The following CRYZL1 variants were observed in gnomAD, a reference collection of about 807,000 sequenced individuals.
The protein encoded by CRYZL1 is ferry endosomal RAB5 effector complex subunit 4.
A neutral mutation model predicts 50.6 loss-of-function variants in CRYZL1; 34 were observed. The observed-to-expected ratio is 0.67, with a 90% confidence interval of 0.51 to 0.89. CRYZL1 has a LOEUF of 0.89. CRYZL1 is among the 40% of genes least tolerant of loss of function. CRYZL1 has a pLI of 0.00. For synonymous variants in CRYZL1, 125 were observed against 134.3 expected (o/e 0.93, Z 0.48); for missense variants, 354 against 402.3 (o/e 0.88, Z 1.03).
chr21:33,620,975 G>A (rs1384798430), intron 4 of CRYZL1, among the ~76,000 whole-genome samples: 2 of 1,418 alleles, frequency 1.4e-3, no homozygotes, highest in African/African-American at 4.7e-3. Flanking sequence ...GCGCAATCTC[G>A]GCTCACTGCA....
intron 8 of CRYZL1, among the ~76,000 whole-genome samples, chr21:33,601,045 T>C (rs971317051): frequency 1.4e-5 from 2 of 146,338 alleles, no homozygotes; most frequent in Non-Finnish European, 3.0e-5. Flanking sequence ...CTAGCAATTC[T>C]CCTGCCTTAG....
chr21:33,622,486 A>G (rs2087014077), intron 3 of CRYZL1, among the ~76,000 whole-genome samples: 1 of 152,186 alleles, frequency 6.6e-6, no homozygotes, highest in Non-Finnish European at 1.5e-5. Flanking sequence ...AGGGTTCTCC[A>G]TTCCTATACC....
chr21:33,634,075 T>C (rs1001520701), intron 1 of CRYZL1, among the ~76,000 whole-genome samples: 3 of 152,226 alleles, frequency 2.0e-5, no homozygotes, highest in African/African-American at 7.2e-5. Context: ...ATATAGAAAT[T>C]ACGTATGTAG....
intron 1 of CRYZL1, among the ~76,000 whole-genome samples, chr21:33,636,449 T>C (rs758301029): frequency 3.3e-5 from 5 of 152,190 alleles, no homozygotes; most frequent in East Asian, 1.9e-4. Flanking sequence ...AATTTTATAC[T>C]TTTACAGGTA....
chr21:33,612,584 T>C (rs1283098049), intron 6 of CRYZL1, among the ~76,000 whole-genome samples: 1 of 152,172 alleles, frequency 6.6e-6, no homozygotes, highest in African/African-American at 2.4e-5. Context: ...CCGCTGCGCC[T>C]GGCTGATGGT....
At chr21:33,631,670 T>C in intron 1 of CRYZL1, 113 bp from the exon 2 acceptor site, 1 of 578,298 alleles carries the variant, frequency 1.7e-6, no homozygotes. Context: ...CAAATGTAGT[T>C]TTCAAATAAG....
intron 11 of CRYZL1, among the ~76,000 whole-genome samples, chr21:33,592,907 G>T (rs1488545145): frequency 6.6e-6 from 1 of 151,882 alleles, no homozygotes; most frequent in African/African-American, 2.4e-5. Flanking sequence ...CAAAAATTAG[G>T]TGGGCATGGT....
At chr21:33,590,724 CT>C (rs1295396597) in intron 12 of CRYZL1, among the ~76,000 whole-genome samples, 23 of 152,250 alleles carry the variant, frequency 1.5e-4, no homozygotes, top group Admixed American at 9.2e-4. Context: ...CCTACTCCCT[CT>C]TTTATAACTG....
intron 4 of CRYZL1, among the ~76,000 whole-genome samples, chr21:33,620,009 A>G (rs1244397824): frequency 6.6e-6 from 1 of 152,210 alleles, no homozygotes; most frequent in Admixed American, 6.5e-5. Flanking sequence ...TGAACCGTTT[A>G]AGGGCAAGGA....
chr21:33,596,370 G>A (rs906058267), intron 10 of CRYZL1, among the ~76,000 whole-genome samples: 1 of 151,704 alleles, frequency 6.6e-6, no homozygotes, highest in Admixed American at 6.6e-5. Context: ...CAGCGTGGTG[G>A]CTCACACCTG....
chr21:33,624,660 T>G (rs2087039582), intron 3 of CRYZL1, 23 bp downstream of exon 3: 1 of 1,605,242 alleles, frequency 6.2e-7, no homozygotes, highest in Non-Finnish European at 8.5e-7. Flanking sequence ...TTTTACTTTG[T>G]GCCATAATAA....
intron 9 of CRYZL1, among the ~76,000 whole-genome samples, chr21:33,598,011 C>A (rs1209327674): frequency 2.6e-5 from 4 of 152,176 alleles, no homozygotes; most frequent in African/African-American, 9.7e-5. Context: ...TTGCATTAAA[C>A]TGATCATAAA....
chr21:33,625,398 G>A (rs1316387837), intron 2 of CRYZL1, among the ~76,000 whole-genome samples: 8 of 152,032 alleles, frequency 5.3e-5, no homozygotes, highest in African/African-American at 7.2e-5. Context: ...CTTGTGATCC[G>A]CCCGCCTCGG....
intron 6 of CRYZL1, among the ~76,000 whole-genome samples, chr21:33,605,554 ACT>A (rs1256444543): frequency 1.4e-3 from 3 of 2,078 alleles, no homozygotes; most frequent in Non-Finnish European, 2.3e-3. Flanking sequence ...ATGGAGTCTC[ACT>A]CTGTCGCCAG....
chr21:33,594,185 C>T (rs1428402139), intron 11 of CRYZL1, among the ~76,000 whole-genome samples: 2 of 146,054 alleles, frequency 1.4e-5, no homozygotes, highest in African/African-American at 2.5e-5. Flanking sequence ...GACAGAGTCT[C>T]GCTCTGTAGC....
intron 5 of CRYZL1, among the ~76,000 whole-genome samples, chr21:33,615,038 G>A (rs1474230850): frequency 1.3e-5 from 2 of 151,968 alleles, no homozygotes; most frequent in African/African-American, 2.4e-5. Context: ...TGAGTCAAAG[G>A]CAATACTATA....
intron 6 of CRYZL1, among the ~76,000 whole-genome samples, chr21:33,613,310 A>T (rs1046776120): frequency 1.3e-5 from 2 of 152,220 alleles, no homozygotes; most frequent in African/African-American, 4.8e-5. Context: ...GTGTTAGTAA[A>T]ACTTAAAGGT....
intron 9 of CRYZL1, among the ~76,000 whole-genome samples, chr21:33,597,941 G>T (rs1014235474): frequency 6.6e-6 from 1 of 152,180 alleles, no homozygotes; most frequent in Non-Finnish European, 1.5e-5. Flanking sequence ...TACAAATGAG[G>T]AAATATTTTT....
chr21:33,590,438 ACGGAG>A (rs1489087024), intron 12 of CRYZL1, among the ~76,000 whole-genome samples: 8 of 75,506 alleles, frequency 1.1e-4, no homozygotes, highest in East Asian at 4.4e-4. Context: ...TTTTTCTGAG[ACGGAG>A]TTTCTCTTGT....
Sources: allele counts gnomAD v4.1 joint callset (sites outside exome capture counted in the v4.1 genomes callset), GRCh38; gene constraint gnomAD v4.1.1; transcripts MANE v1.5; gene names NCBI Gene and HGNC (gene_info 2026-07-23, HGNC 2026-07-21).